TRIQK: variants seen among roughly 807,000 people sequenced by gnomAD.
TRIQK encodes the protein triple QxxK/R motif-containing protein.
A neutral mutation model predicts 10.8 loss-of-function variants in TRIQK; 10 were observed. The observed-to-expected ratio is 0.92, with a 90% CI of 0.57 to 1.57. TRIQK has a LOEUF of 1.57. TRIQK is among the 40% of genes most tolerant of loss of function. TRIQK has a pLI of 0.00. For synonymous variants in TRIQK, 33 were observed against 33.7 expected (o/e 0.98, Z 0.07); for missense variants, 107 against 97.7 (o/e 1.09, Z -0.40).
intron 1 of TRIQK, among the ~76,000 whole-genome samples, chr8:92,994,410 G>C (rs910655771): frequency 2.7e-5 from 4 of 148,186 alleles, no homozygotes; most frequent in African/African-American, 1.0e-4. Flanking sequence ...AAATTTATTT[G>C]TTTCAAATGT....
chr8:92,934,106 A>C (rs1162202274), intron 2 of TRIQK, among the ~76,000 whole-genome samples: 1 of 152,052 alleles, frequency 6.6e-6, no homozygotes, highest in Non-Finnish European at 1.5e-5. Flanking sequence ...TGAAAAAGCA[A>C]GTTCTAGTTT....
At chr8:93,009,627 A>C (rs906730019) in intron 1 of TRIQK, among the ~76,000 whole-genome samples, 2 of 152,038 alleles carry the variant, frequency 1.3e-5, no homozygotes, top group African/African-American at 4.8e-5. Context: ...AAGACAACAG[A>C]TAAAAATGTT....
chr8:92,929,736 A>T (rs1221776079), intron 2 of TRIQK: 1 of 152,214 alleles, frequency 6.6e-6, no homozygotes, highest in Non-Finnish European at 1.5e-5. Context: ...AGGCCACATG[A>T]GGGAGATAAC....
Position 92,883,829 on chromosome 8 carries a change from A to C in TRIQK, c.*2793T>G, listed in dbSNP as rs1156495543. On this transcript the variant is annotated 3_prime_UTR_variant, in exon 5 of 5. Transcript: ENST00000521988. ...CTACCTTAAAACAACTACCCACCCT[A>C]CATTTGTACTAAAATAGGCTTTTGC... The C allele has an allele frequency of 6.6e-6, 1 of 151,736 alleles. No homozygotes were observed. The highest frequency in any genetic ancestry group is 1.5e-5 in the Non-Finnish European group (1 of 67,822). The allele number at this position is 151,736 out of a possible 1,614,324, so 9.4% of individuals were successfully genotyped here.
intron 1 of TRIQK, among the ~76,000 whole-genome samples, chr8:92,995,867 C>T (rs1813148104): frequency 6.6e-6 from 1 of 152,056 alleles, no homozygotes; most frequent in African/African-American, 2.4e-5. Flanking sequence ...TTCATCTACT[C>T]ATGATTTTTA....
At chr8:92,988,633 T>G (rs1015634297) in intron 1 of TRIQK, among the ~76,000 whole-genome samples, 3 of 152,204 alleles carry the variant, frequency 2.0e-5, no homozygotes, top group African/African-American at 7.2e-5. Flanking sequence ...AACATGTACT[T>G]GCATAACATT....
At chr8:92,890,495 C>A (rs1444269976) in intron 4 of TRIQK, among the ~76,000 whole-genome samples, 1 of 151,662 alleles carries the variant, frequency 6.6e-6, no homozygotes, top group South Asian at 2.1e-4. Context: ...TAAAAAGACA[C>A]TAGATAACTG....
chr8:93,004,003 G>T (rs984073701), intron 1 of TRIQK, among the ~76,000 whole-genome samples: 6 of 152,198 alleles, frequency 3.9e-5, no homozygotes, highest in African/African-American at 1.4e-4. Flanking sequence ...AGCATTGAGT[G>T]CCTGTGGCTT....
intron 1 of TRIQK, among the ~76,000 whole-genome samples, chr8:93,004,861 A>G (rs1389213243): frequency 6.6e-6 from 1 of 152,180 alleles, no homozygotes; most frequent in Non-Finnish European, 1.5e-5. Context: ...TGAGTTCCTC[A>G]TCTCCATCTG....
At chr8:92,902,951 A>G (rs1165414644) in intron 3 of TRIQK, among the ~76,000 whole-genome samples, 1 of 151,918 alleles carries the variant, frequency 6.6e-6, no homozygotes, top group Admixed American at 6.6e-5. Flanking sequence ...ATTATAAAAT[A>G]TATACCTAAC....
intron 1 of TRIQK, among the ~76,000 whole-genome samples, chr8:93,003,319 A>G (rs1406449923): frequency 6.6e-6 from 1 of 151,610 alleles, no homozygotes; most frequent in East Asian, 1.9e-4. Flanking sequence ...GGAGAGAGAG[A>G]GAGAGAGAGA....
At position 92,898,559 on chromosome 8, in the gene TRIQK, C is replaced by T. The variant is rs547432071; in HGVS notation, c.62-6485G>A. 8.3e-4 allele frequency among the ~76,000 whole-genome samples: 126 copies of T among 152,050 alleles called. 1 individual carries two copies. The highest frequency in any genetic ancestry group is 5.0e-3 in the Admixed American group (76 of 15,256). ...CTGGCTTTATATAAAAGCAGATTTT[C>T]AGAGGTTTTTACTTTCCACTCAAGA... On this transcript the variant is annotated intron_variant, in intron 3 of 4. Transcript: ENST00000521988.
In TRIQK at chr8:92,941,948, G is replaced by A. The variant is rs563799346; in HGVS notation, c.-22+12458C>T. ...AAATTAGTAATAGAGTCTCTCATCA[G>A]TGAAAATCCCAGGGCATGATAGCTT... On this transcript the variant is annotated intron_variant, in intron 2 of 4. Transcript: ENST00000521988. Among the ~76,000 whole-genome samples, 249 of 152,248 alleles carry A rather than the reference G, an allele frequency of 1.6e-3. 2 individuals carry two copies. Among genetic ancestry groups the A allele is most frequent in the African/African-American group, 5.6e-3 (233 of 41,552 alleles).
At chr8:92,970,598 T>A (rs1812864888), upstream of TRIQK, among the ~76,000 whole-genome samples, 1 of 152,226 alleles carries the variant, frequency 6.6e-6, no homozygotes, top group Admixed American at 6.5e-5. Flanking sequence ...CATAGATGTC[T>A]TCTTTTGAGA....
chr8:92,955,453 A>G (rs950729891), intron 1 of TRIQK, among the ~76,000 whole-genome samples: 3 of 151,820 alleles, frequency 2.0e-5, no homozygotes, highest in African/African-American at 4.8e-5. Context: ...CTAAATGCAA[A>G]GACTAAAACT....
intron 3 of TRIQK, among the ~76,000 whole-genome samples, chr8:92,896,040 G>A (rs1215603708): frequency 3.3e-5 from 5 of 152,088 alleles, no homozygotes; most frequent in African/African-American, 7.2e-5. Flanking sequence ...ATGAGAGAAA[G>A]ACCTCAAAGA....
chr8:92,915,503 A>G (rs1335660150), intron 3 of TRIQK, among the ~76,000 whole-genome samples: 1 of 140,128 alleles, frequency 7.1e-6, no homozygotes, highest in African/African-American at 2.8e-5. Context: ...TTTTTTTTTG[A>G]GATGGAGTCC....
intron 3 of TRIQK, among the ~76,000 whole-genome samples, chr8:92,901,818 T>C (rs556760947): frequency 7.9e-5 from 12 of 152,144 alleles, no homozygotes; most frequent in Non-Finnish European, 2.9e-5. Context: ...GTAAGATTGG[T>C]ATTATTTCTT....
intron 3 of TRIQK, among the ~76,000 whole-genome samples, chr8:92,915,042 C>T (rs182257499): frequency 2.0e-5 from 3 of 152,164 alleles, no homozygotes; most frequent in Admixed American, 6.5e-5. Context: ...AAAGGAGGTC[C>T]TGCCATTTGG....
Sources: gnomAD v4.1 joint callset for allele counts (sites outside exome capture counted in the v4.1 genomes callset) on GRCh38, gnomAD v4.1.1 for gene constraint, MANE v1.5 for transcripts, NCBI Gene and HGNC (gene_info 2026-07-23, HGNC 2026-07-21) for gene names.